The following TNNI3K variants were observed in gnomAD, a reference collection of about 807,000 sequenced individuals.
TNNI3K encodes TNNI3 interacting kinase, also known as serine/threonine-protein kinase TNNI3K.
A neutral mutation model predicts 114.5 loss-of-function variants in TNNI3K; 140 were observed. That is an observed-to-expected ratio of 1.22 (90% CI 1.07 to 1.41). The LOEUF is 1.41. Among genes scored for constraint, TNNI3K ranks in the 40% most tolerant of loss-of-function variants. The probability of loss-of-function intolerance (pLI) is 0.00; values close to 1 mark genes in which losing one functional copy is unlikely to be tolerated. For synonymous variants in TNNI3K, 347 were observed against 347.5 expected, an observed-to-expected ratio of 1.00 and a Z score of 0.02; for missense variants, 1,125 against 1,007.6, an observed-to-expected ratio of 1.12 and a Z score of -1.58.
intron 21 of TNNI3K, chr1:74,471,006 C>G: frequency 2.5e-6 from 1 of 400,656 alleles, no homozygotes; most frequent in Non-Finnish European, 4.4e-6. Context: ...AATAACTAAG[C>G]ACTTTTGATT....
rs45474995 is a variant in TNNI3K, at chr1:74,311,248, A to G, written c.445-20202A>G. On this transcript the variant is annotated intron_variant, in intron 5 of 24. Transcript: ENST00000326637. ...TATTCTTCTTTCAGAAATGTGAGCA[A>G]TTAGGAGTTAGAGTGAGTTATACTA... Among the ~76,000 whole-genome samples, 399 of 152,266 alleles carry G rather than the reference A, an allele frequency of 2.6e-3. 3 individuals are homozygous for G. The highest frequency in any genetic ancestry group is 9.4e-3 in the African/African-American group (390 of 41,566).
chr1:74,240,466 T>G (rs989554311), intron 2 of TNNI3K: 1 of 152,232 alleles, frequency 6.6e-6, no homozygotes, highest in African/African-American at 2.4e-5. Context: ...TGGCTTGAAC[T>G]AGATTAAACA....
At chr1:74,480,146 G>A (rs771569123) in intron 21 of TNNI3K, 16 of 712,882 alleles carry the variant, frequency 2.2e-5, no homozygotes, top group Middle Eastern at 5.2e-4. Flanking sequence ...ACTTCTCCCC[G>A]GCATACCTGC....
intron 4 of TNNI3K, among the ~76,000 whole-genome samples, chr1:74,255,047 T>C (rs575634257): frequency 2.0e-5 from 3 of 152,318 alleles, no homozygotes; most frequent in Admixed American, 2.0e-4. Context: ...TCTGGGTCTG[T>C]TCAGTAAACA....
chr1:74,347,686 T>C (rs1358120962), intron 9 of TNNI3K, among the ~76,000 whole-genome samples: 4 of 152,148 alleles, frequency 2.6e-5, no homozygotes, highest in East Asian at 1.9e-4. Flanking sequence ...TTTTAATGAT[T>C]GCCATTCTAA....
chr1:74,251,220 CT>C (rs1036687821), intron 4 of TNNI3K, among the ~76,000 whole-genome samples: 1 of 152,136 alleles, frequency 6.6e-6, no homozygotes, highest in Non-Finnish European at 1.5e-5. Context: ...TTTGCTTTAG[CT>C]GTTTATTTTC....
chr1:74,249,308 G>A lies in TNNI3K; in HGVS notation c.150-151G>A, dbSNP rs766247462. ...TCTCAATTTTAATTCTTCATATAGA[G>A]GGTTCAAGATTCTTTCTGTAAGTGC... On this transcript the variant is annotated intron_variant, in intron 2 of 24. Transcript: ENST00000326637. 4.4e-4 allele frequency: 305 copies of A among 699,114 alleles called. 1 individual carries two copies. The highest frequency in any genetic ancestry group is 5.8e-4 in the Non-Finnish European group (256 of 440,434). The allele number at this position is 699,114 out of a possible 1,614,324, so 43.3% of individuals were successfully genotyped here. A position where few individuals can be genotyped will look rare whatever the true frequency, so the allele number is the denominator to read the frequency against.
intron 9 of TNNI3K, 110 bp from the exon 10 acceptor site, chr1:74,353,156 A>C: frequency 5.5e-6 from 6 of 1,083,266 alleles, no homozygotes; most frequent in Non-Finnish European, 8.0e-6. Flanking sequence ...TTGTCAGGTT[A>C]TGGGGGTTAT....
At chr1:74,514,309 A>G (rs929926575) in intron 23 of TNNI3K, among the ~76,000 whole-genome samples, 3 of 152,204 alleles carry the variant, frequency 2.0e-5, no homozygotes, top group Non-Finnish European at 4.4e-5. Flanking sequence ...GAGGCTTACA[A>G]GCTGACAAGC....
intron 4 of TNNI3K, among the ~76,000 whole-genome samples, chr1:74,270,162 C>A (rs1294285518): frequency 6.6e-6 from 1 of 151,594 alleles, no homozygotes; most frequent in Non-Finnish European, 1.5e-5. Flanking sequence ...AATAAATCTG[C>A]CTTAGTGAGG....
chr1:74,415,548 T>C (rs886407950), intron 17 of TNNI3K, among the ~76,000 whole-genome samples: 3 of 152,122 alleles, frequency 2.0e-5, no homozygotes, highest in African/African-American at 7.2e-5. Context: ...TTTTGAAAAA[T>C]CTTTCTGTAA....
intron 23 of TNNI3K, among the ~76,000 whole-genome samples, chr1:74,530,316 A>G (rs952519077): frequency 2.0e-5 from 3 of 152,198 alleles, no homozygotes; most frequent in African/African-American, 7.2e-5. Context: ...GTTTAAGTTG[A>G]GAAAGACTTA....
chr1:74,423,506 A>T (rs1481273242), intron 17 of TNNI3K, among the ~76,000 whole-genome samples: 1 of 152,156 alleles, frequency 6.6e-6, no homozygotes. Flanking sequence ...TGTGGATTCT[A>T]ATCATAATTC....
chr1:74,322,019 A>G (rs1158026196), intron 5 of TNNI3K, among the ~76,000 whole-genome samples: 1 of 152,180 alleles, frequency 6.6e-6, no homozygotes, highest in African/African-American at 2.4e-5. Flanking sequence ...AAATTAGAGC[A>G]TAGAGTCAAA....
chr1:74,476,885 T>C (rs1668234280), intron 21 of TNNI3K, among the ~76,000 whole-genome samples: 3 of 152,164 alleles, frequency 2.0e-5, no homozygotes, highest in African/African-American at 7.2e-5. Context: ...TTGTTTCTTT[T>C]TTTTCTGTTA....
At chr1:74,371,555 G>A (rs531497503) in intron 17 of TNNI3K, 1 of 151,804 alleles carries the variant, frequency 6.6e-6, no homozygotes, top group South Asian at 2.1e-4. Flanking sequence ...CATCCTATAG[G>A]CTTAGGGAAG....
At chr1:74,264,145 A>G (rs1439258620) in intron 4 of TNNI3K, among the ~76,000 whole-genome samples, 2 of 151,776 alleles carry the variant, frequency 1.3e-5, no homozygotes, top group Admixed American at 6.6e-5. Flanking sequence ...ATCTAAGAGT[A>G]TGTTACTTCT....
chr1:74,360,866 C>A (rs754052573), intron 11 of TNNI3K, among the ~76,000 whole-genome samples: 2 of 152,072 alleles, frequency 1.3e-5, no homozygotes, highest in African/African-American at 2.4e-5. Flanking sequence ...TCTTCTCTTA[C>A]CAAATTGTAA....
At position 74,544,153 on chromosome 1, in the gene TNNI3K, G is replaced by A; in HGVS notation, c.*171G>A. On this transcript the variant is annotated 3_prime_UTR_variant, in exon 25 of 25. Transcript: ENST00000326637. The stretch of plus-strand genomic sequence containing the variant: ...CCCACTATTAGCAGGCTTTGGATTT[G>A]TGCCTAAGGAATAATATGCAAAAGA... The A allele has an allele frequency of 1.6e-6, 1 of 609,682 alleles. No homozygotes were observed. Among genetic ancestry groups the A allele is most frequent in the Non-Finnish European group, 2.7e-6 (1 of 373,334 alleles). The allele number at this position is 609,682 out of a possible 1,614,324, so 37.8% of individuals were successfully genotyped here.
Sources: gnomAD v4.1 joint callset for allele counts (sites outside exome capture counted in the v4.1 genomes callset) on GRCh38, gnomAD v4.1.1 for gene constraint, MANE v1.5 for transcripts, NCBI Gene and HGNC (gene_info 2026-07-23, HGNC 2026-07-21) for gene names.